BNC2: variants seen among roughly 807,000 people sequenced by gnomAD.
The protein encoded by BNC2 is basonuclin zinc finger protein 2.
In BNC2, 20 loss-of-function variants were observed where a neutral mutation model predicts 76.3. That is an observed-to-expected ratio of 0.26 (90% CI 0.18 to 0.38). BNC2 has a LOEUF of 0.38. Among genes scored for constraint, BNC2 ranks in the 10% least tolerant of loss-of-function variants. BNC2 has a pLI of 1.00. For missense variants in BNC2, 1,382 were observed against 1,399.8 expected, an observed-to-expected ratio of 0.99 and a Z score of 0.20; for synonymous variants, 582 against 514.8, an observed-to-expected ratio of 1.13 and a Z score of -1.77.
chr9:16,579,611 A>G (rs1819575761), intron 4 of BNC2, among the ~76,000 whole-genome samples: 1 of 152,138 alleles, frequency 6.6e-6, no homozygotes, highest in Non-Finnish European at 1.5e-5. Context: ...ACACATTTCT[A>G]AAGATTTTTG....
chr9:16,744,359 T>A (rs1231468061), intron 1 of BNC2, among the ~76,000 whole-genome samples: 1 of 152,200 alleles, frequency 6.6e-6, no homozygotes, highest in Non-Finnish European at 1.5e-5. Context: ...TAGTTTCACA[T>A]CACTTTCTCA....
rs1408845869 is a variant in BNC2, at chr9:16,577,440, G to A, written c.433+5543C>T. The stretch of plus-strand genomic sequence containing the variant: ...TACAGTACATTAAACCATAAAGCTG[G>A]TTGGTATATGATACTAAATTAACTT... On this transcript the variant is annotated intron_variant, in intron 4 of 6. Transcript: ENST00000380672. Among the ~76,000 whole-genome samples, 3 of 152,098 alleles carry A rather than the reference G, an allele frequency of 2.0e-5. No homozygotes were observed. In the South Asian group the frequency reaches 6.2e-4, roughly 31 times the overall value.
At position 16,565,932 on chromosome 9, in the gene BNC2, G is replaced by A. The variant is rs529257847; in HGVS notation, c.434-13167C>T. On this transcript the variant is annotated intron_variant, in intron 4 of 6. Transcript: ENST00000380672. ...CGGGTATTCCAGGCAAAGCCAATTC[G>A]GCCAGGACATGAACAAGAGAAGAAC... Among the ~76,000 whole-genome samples, 16 of 148,880 alleles carry A rather than the reference G, an allele frequency of 1.1e-4. No individual in the cohort carries two copies. In the East Asian group the frequency reaches 1.4e-3, roughly 13 times the overall value.
intron 1 of BNC2, among the ~76,000 whole-genome samples, chr9:16,784,064 A>G (rs1826218571): frequency 6.6e-6 from 1 of 152,230 alleles, no homozygotes; most frequent in Non-Finnish European, 1.5e-5. Context: ...AAAACAAGAA[A>G]AAAAATTCCT....
intron 5 of BNC2, among the ~76,000 whole-genome samples, chr9:16,482,362 G>A (rs1169778069): frequency 6.6e-6 from 1 of 151,900 alleles, no homozygotes; most frequent in Admixed American, 6.6e-5. Flanking sequence ...GGTCCCTGTT[G>A]GCTATTATAT....
chr9:16,519,693 C>T (rs1273342537), intron 5 of BNC2, among the ~76,000 whole-genome samples: 1 of 152,206 alleles, frequency 6.6e-6, no homozygotes, highest in Admixed American at 6.5e-5. Flanking sequence ...CACTTAACTA[C>T]CATTTTCTCC....
At position 16,720,488 on chromosome 9, in the gene BNC2, C is replaced by T. The variant is rs924577504; in HGVS notation, c.330+7309G>A. On this transcript the variant is annotated intron_variant, in intron 3 of 6. Coordinates refer to ENST00000380672, the MANE Select transcript of BNC2 (RefSeq NM_017637.6). ...AACACCACTCAATGACACATAAACCCTAAAGACAGTAGCGAAATAACATTA... is the reference window on the plus strand; with the variant it reads ...AACACCACTCAATGACACATAAACCTTAAAGACAGTAGCGAAATAACATTA... Among the ~76,000 whole-genome samples the T allele has an allele frequency of 5.9e-5, 9 of 152,202 alleles. No individual in the cohort carries two copies. The East Asian group carries it at 1.7e-3, about 29-fold the overall frequency.
intron 1 of BNC2, among the ~76,000 whole-genome samples, chr9:16,759,442 C>T (rs572374043): frequency 1.3e-5 from 2 of 152,050 alleles, no homozygotes; most frequent in South Asian, 2.1e-4. Flanking sequence ...TTTTTTTACA[C>T]TGAAATCTTA....
intron 5 of BNC2, among the ~76,000 whole-genome samples, chr9:16,465,272 C>T (rs1821679699): frequency 6.6e-6 from 1 of 152,026 alleles, no homozygotes; most frequent in Non-Finnish European, 1.5e-5. Context: ...CCCATCTCTA[C>T]TAAAAATACA....
Position 16,608,097 on chromosome 9 carries a change from G to C in BNC2, c.331-25012C>G, listed in dbSNP as rs113908195. 5.9e-5 allele frequency among the ~76,000 whole-genome samples: 9 copies of C among 152,252 alleles called. 1 individual carries two copies. Among genetic ancestry groups the C allele is most frequent in the African/African-American group, 1.9e-4 (8 of 41,554 alleles). ...CGTCAGGGGAGGGCAGGCTCAAAAA[G>C]AGTAGAAAGCTTGTGATTAACTAAA... On this transcript the variant is annotated intron_variant, in intron 3 of 6. Transcript: ENST00000380672.
In BNC2 at chr9:16,436,083, T is replaced by C. The variant is rs750532979; in HGVS notation, c.2111A>G (p.Glu704Gly). ...HNRTRCISRT[E>G]IRRADSMTSE... is the part of the protein sequence containing the mutation. ...AGTCATGCTGTCGGCCCTCCTTATT[T>C]CAGTCCTTGAAATGCACCGGGTCCT... Residue 704 changes from glutamate (E) to glycine (G), a missense_variant, in exon 6 of 7, where the codon GAA becomes GGA. Coordinates refer to ENST00000380672, the MANE Select transcript of BNC2 (RefSeq NM_017637.6). The C allele has an allele frequency of 1.9e-6, 3 of 1,614,140 alleles. No homozygotes were observed. Among genetic ancestry groups the C allele is most frequent in the East Asian group, 4.5e-5 (2 of 44,866 alleles).
chr9:16,750,416 A>G (rs1825153994), intron 1 of BNC2, among the ~76,000 whole-genome samples: 1 of 152,188 alleles, frequency 6.6e-6, no homozygotes, highest in Non-Finnish European at 1.5e-5. Context: ...TTTACCACTC[A>G]TCTCTAAACT....
chr9:16,734,647 A>G (rs1537004), intron 2 of BNC2, among the ~76,000 whole-genome samples: 136,825 of 152,250 alleles, frequency 0.9, 61,518 homozygotes, highest in Non-Finnish European at 0.92. Flanking sequence ...GTTTTCAGTT[A>G]GTTTGGTTTT....
intron 5 of BNC2, among the ~76,000 whole-genome samples, chr9:16,468,190 G>A (rs1298128421): frequency 6.6e-6 from 1 of 151,482 alleles, no homozygotes; most frequent in Non-Finnish European, 1.5e-5. Flanking sequence ...ATAGGCATGA[G>A]CCACCATGCC....
intron 1 of BNC2, among the ~76,000 whole-genome samples, chr9:16,807,548 G>A (rs1817943671): frequency 6.6e-6 from 1 of 152,148 alleles, no homozygotes; most frequent in Non-Finnish European, 1.5e-5. Flanking sequence ...AAATGAGAAG[G>A]AGGTGGAGGG....
At chr9:16,537,234 C>T (rs563154252) in intron 5 of BNC2, among the ~76,000 whole-genome samples, 1 of 152,128 alleles carries the variant, frequency 6.6e-6, no homozygotes, top group African/African-American at 2.4e-5. Flanking sequence ...GTGAATACAC[C>T]TCTTTAGGAC....
At chr9:16,615,739 T>G (rs1036911757) in intron 3 of BNC2, among the ~76,000 whole-genome samples, 1 of 152,234 alleles carries the variant, frequency 6.6e-6, no homozygotes, top group Admixed American at 6.5e-5. Context: ...TCTTTGTTAA[T>G]TTGTCTTTTG....
At chr9:16,458,187 T>C (rs900409289) in intron 5 of BNC2, among the ~76,000 whole-genome samples, 3 of 150,954 alleles carry the variant, frequency 2.0e-5, no homozygotes, top group Admixed American at 6.6e-5. Context: ...AACAGATACA[T>C]GAGATTAAGG....
At chr9:16,817,382 G>A (rs1818211781) in intron 1 of BNC2, among the ~76,000 whole-genome samples, 1 of 152,132 alleles carries the variant, frequency 6.6e-6, no homozygotes, top group African/African-American at 2.4e-5. Context: ...GATCATGATG[G>A]CAATTAAAAA....
Sources: allele counts gnomAD v4.1 joint callset (sites outside exome capture counted in the v4.1 genomes callset), GRCh38; gene constraint gnomAD v4.1.1; transcripts MANE v1.5; gene names NCBI Gene and HGNC (gene_info 2026-07-23, HGNC 2026-07-21).